Variants in DPY19L2 observed in about 807,000 individuals in gnomAD.
The protein encoded by DPY19L2 is probable C-mannosyltransferase DPY19L2.
In DPY19L2, 34 loss-of-function variants were observed where a neutral mutation model predicts 97.9. The observed-to-expected ratio is 0.35, with a 90% CI of 0.26 to 0.46. The LOEUF (loss-of-function observed/expected upper bound fraction) is 0.46. DPY19L2 is among the 20% of genes least tolerant of loss of function. The pLI, the probability that DPY19L2 is intolerant of heterozygous loss-of-function variation, is 1.00. For synonymous variants in DPY19L2, 230 were observed against 307.9 expected, an observed-to-expected ratio of 0.75 and a Z score of 2.65; for missense variants, 623 against 911.4, an observed-to-expected ratio of 0.68 and a Z score of 4.07.
At chr12:63,596,065 G>T (rs1161488224) in intron 14 of DPY19L2, 28 bp from the exon 15 acceptor site, 5 of 1,565,256 alleles carry the variant, frequency 3.2e-6, no homozygotes, top group South Asian at 1.2e-5. Context: ...ATTCAAAATG[G>T]TTACTTACAA....
At chr12:63,582,829 C>A (rs1881171639) in intron 17 of DPY19L2, among the ~76,000 whole-genome samples, 1 of 151,938 alleles carries the variant, frequency 6.6e-6, no homozygotes, top group Non-Finnish European at 1.5e-5. Context: ...TACTGTAAGG[C>A]AATAAGTGCA....
intron 4 of DPY19L2, 103 bp downstream of exon 4, chr12:63,661,241 A>T: frequency 8.3e-7 from 1 of 1,208,748 alleles, no homozygotes; most frequent in Non-Finnish European, 1.1e-6. Flanking sequence ...CAATTAATAA[A>T]CCTGAAACGT....
At position 63,580,762 on chromosome 12, in the gene DPY19L2, T is replaced by C. The variant is rs770175837; in HGVS notation, c.1800A>G (p.Gln600=). 1 of 1,613,696 alleles carries C rather than the reference T, an allele frequency of 6.2e-7. No homozygotes were observed. The highest frequency in any genetic ancestry group is 1.1e-5 in the South Asian group (1 of 91,030). Residue 600 remains glutamine, a synonymous_variant, in exon 19 of 22, where the codon CAA becomes CAG. Transcript: ENST00000324472. The part of the protein sequence containing the change: ...IFGILTVMSI[Q]GYANLRNQWS... ...ATTGATTACGGAGGTTTGCATAACC[T>C]TGTATTGACATCACTGTTAAAATGC... is the stretch of plus-strand genomic sequence containing the variant.
At chr12:63,646,620 G>C (rs1893447455) in intron 5 of DPY19L2, among the ~76,000 whole-genome samples, 1 of 152,158 alleles carries the variant, frequency 6.6e-6, no homozygotes, top group Non-Finnish European at 1.5e-5. Context: ...CTGAATGAGA[G>C]TCTCAAGGGA....
intron 6 of DPY19L2, among the ~76,000 whole-genome samples, chr12:63,639,346 A>G (rs2138066920): frequency 6.6e-6 from 1 of 152,332 alleles, no homozygotes; most frequent in Admixed American, 6.5e-5. Flanking sequence ...AAAATTGACA[A>G]ATGGGATCTA....
At chr12:63,664,812 CT>C (rs1255901604) in intron 2 of DPY19L2, among the ~76,000 whole-genome samples, 8 of 152,158 alleles carry the variant, frequency 5.3e-5, no homozygotes, top group African/African-American at 1.9e-4. Flanking sequence ...ACTAACCCTT[CT>C]TTACATGTAG....
chr12:63,575,255 A>G lies in DPY19L2; in HGVS notation c.1901-4398T>C, dbSNP rs116586020. 4.7e-3 allele frequency among the ~76,000 whole-genome samples: 711 copies of G among 152,160 alleles called. 9 individuals carry two copies. The highest frequency in any genetic ancestry group is 0.016 in the African/African-American group (676 of 41,560). On this transcript the variant is annotated intron_variant, in intron 19 of 21. Transcript: ENST00000324472. The stretch of plus-strand genomic sequence containing the variant: ...AAAGAAATCAAGAAGGAAATTGAAA[A>G]TGTTCTTGAAACAAACGATAATGAA...
At chr12:63,665,604 G>C (rs191648744) in intron 2 of DPY19L2, among the ~76,000 whole-genome samples, 1 of 152,078 alleles carries the variant, frequency 6.6e-6, no homozygotes, top group African/African-American at 2.4e-5. Context: ...TGAATTATTT[G>C]GTAAAGCAAA....
chr12:63,564,566 A>C (rs1366168967), intron 21 of DPY19L2, among the ~76,000 whole-genome samples: 3 of 152,142 alleles, frequency 2.0e-5, no homozygotes, highest in Admixed American at 6.5e-5. Flanking sequence ...CTGATTTCTA[A>C]TTTAATTTCA....
chr12:63,619,929 G>A (rs2137786980), intron 9 of DPY19L2: 1 of 455,452 alleles, frequency 2.2e-6, no homozygotes, highest in East Asian at 7.0e-5. Flanking sequence ...ATAGAATAAT[G>A]TCTGTGTTAT....
chr12:63,668,022 G>A (rs1218909090), intron 1 of DPY19L2, 35 bp downstream of exon 1: 3 of 1,581,594 alleles, frequency 1.9e-6, no homozygotes, highest in Non-Finnish European at 2.6e-6. Flanking sequence ...AGCGCCATGC[G>A]GCTCCCTCCT....
At chr12:63,618,766 A>T (rs1377765323) in intron 9 of DPY19L2, among the ~76,000 whole-genome samples, 1 of 152,166 alleles carries the variant, frequency 6.6e-6, no homozygotes, top group East Asian at 1.9e-4. Flanking sequence ...AAGATTTATC[A>T]GTGCTTTTTA....
intron 16 of DPY19L2, among the ~76,000 whole-genome samples, chr12:63,593,771 C>T (rs1424886358): frequency 6.6e-6 from 1 of 150,706 alleles, no homozygotes; most frequent in Non-Finnish European, 1.5e-5. Context: ...GCACATGTAC[C>T]CTAAAACTTA....
At chr12:63,650,399 T>C (rs938879646) in intron 4 of DPY19L2, among the ~76,000 whole-genome samples, 2 of 152,096 alleles carry the variant, frequency 1.3e-5, no homozygotes, top group Non-Finnish European at 1.5e-5. Flanking sequence ...GTAAACAATA[T>C]AATTTTATAC....
At chr12:63,616,552 G>A (rs568981469) in intron 11 of DPY19L2, among the ~76,000 whole-genome samples, 3,596 of 152,108 alleles carry the variant, frequency 0.024, 73 homozygotes, top group Middle Eastern at 0.062. Flanking sequence ...GGAGGTACAG[G>A]AGAATATTCT....
rs149194303 is a variant in DPY19L2, at chr12:63,638,368, G to A, written c.803+6035C>T. Among the ~76,000 whole-genome samples, 1,513 of 152,238 alleles carry A rather than the reference G, an allele frequency of 9.9e-3. 19 individuals carry two copies. The highest frequency in any genetic ancestry group is 0.034 in the African/African-American group (1,417 of 41,536). ...TGGAAGTTCTGGCCAGGGCAATCAG[G>A]CAAGAGAAAGAAATAAAGTGTATTC... On this transcript the variant is annotated intron_variant, in intron 6 of 21. Coordinates refer to ENST00000324472, the MANE Select transcript of DPY19L2 (RefSeq NM_173812.5).
Position 63,560,577 on chromosome 12 carries a change from C to G in DPY19L2, c.2212G>C (p.Asp738His), listed in dbSNP as rs375588607. 7.4e-6 allele frequency: 12 copies of G among 1,613,930 alleles called. No individual in the cohort carries two copies. The African/African-American group carries it at 1.5e-4, about 20-fold the overall frequency. ...NPPLCSVLLE[D>H]ARPYFTTVFQ... The stretch of plus-strand genomic sequence containing the variant: ...ACTGTGGTGAAGTAAGGCCTGGCGT[C>G]TTCGAGCAGGACGCTACATAAGGGA... The change falls in exon 22 of 22, where the codon GAC becomes CAC. Residue 738 changes from aspartate to histidine, a missense_variant. Physicochemically the swap from Asp to His is moderately conservative, Grantham distance 81 (BLOSUM62 -1). Transcript: ENST00000324472.
intron 16 of DPY19L2, among the ~76,000 whole-genome samples, chr12:63,590,719 C>A (rs900545819): frequency 3.9e-5 from 6 of 152,050 alleles, no homozygotes; most frequent in African/African-American, 1.4e-4. Flanking sequence ...AAGCTACTTA[C>A]AATCAGCACC....
At chr12:63,666,549 C>T (rs1013332913) in intron 1 of DPY19L2, 1 of 442,654 alleles carries the variant, frequency 2.3e-6, no homozygotes, top group African/African-American at 2.0e-5. Flanking sequence ...TGGGGAACTG[C>T]TTGTTTTCAA....
Sources: gnomAD v4.1 joint callset for allele counts (sites outside exome capture counted in the v4.1 genomes callset) on GRCh38, gnomAD v4.1.1 for gene constraint, MANE v1.5 for transcripts, NCBI Gene and HGNC (gene_info 2026-07-23, HGNC 2026-07-21) for gene names.